Variants in PHLDA1 observed in about 807,000 individuals in gnomAD.
The protein encoded by PHLDA1 is pleckstrin homology like domain family A member 1.
PHLDA1 carries 28 observed loss-of-function variants against 33.8 expected under a neutral mutation model. The ratio of observed to expected loss-of-function variants is 0.83; its 90% CI spans 0.61 to 1.14. The LOEUF (loss-of-function observed/expected upper bound fraction) is 1.14, where lower values mean the gene tolerates loss of function less well. Ranked by LOEUF, PHLDA1 falls within the 50% of genes most tolerant of loss-of-function variation. The pLI is 0.00. For missense variants in PHLDA1, 595 were observed against 548.6 expected (o/e 1.08, Z -0.84); for synonymous variants, 271 against 243.6 (o/e 1.11, Z -1.05).
At chr12:76,030,620 C>A in exon 1 of PHLDA1, 1 of 1,563,482 alleles carries the variant, frequency 6.4e-7, no homozygotes, top group East Asian at 2.2e-5. Context: ...GTATTTGGTG[C>A]GGATGCGGGT....
Position 76,030,484 on chromosome 12 carries a change from C to T in PHLDA1, c.*26+26G>A. ...CTCACTACCCCCGAGACCCACTCCT[C>T]GGGAGCGCGAGTGCCGGGACCTTAC... On this transcript the variant is annotated intron_variant, in intron 1 of 1. Coordinates refer to ENST00000266671, the Ensembl canonical transcript of PHLDA1. 4 of 1,585,780 alleles carry T rather than the reference C, an allele frequency of 2.5e-6. No homozygotes were observed. The South Asian group carries it at 3.4e-5, about 14-fold the overall frequency.
At chr12:76,029,707 C>T (rs759643680) in exon 2 of PHLDA1, 1 of 152,518 alleles carries the variant, frequency 6.6e-6, no homozygotes, top group Non-Finnish European at 1.5e-5. Context: ...TTAGGAATTA[C>T]TACGGATTAG....
In PHLDA1 at chr12:76,030,867, A is replaced by T. The variant is rs774889464; in HGVS notation, c.875T>A (p.Val292Asp). Residue 292 changes from valine to aspartate, a missense_variant, in exon 1 of 2, where the codon GTC becomes GAC. Val to Asp is a radical substitution (Grantham distance 152). Around this residue, in one of 3 missense-constraint regions of PHLDA1, gnomAD observed 328 missense variants for 295.7 expected, o/e 1.11. Transcript: ENST00000266671. ...CTGCTGCTTCTGCCGCGTGGATTTG[A>T]CCGCCAGGATGGCCTGACGATTCTT... 2.5e-6 allele frequency: 4 copies of T among 1,608,652 alleles called. No homozygotes were observed. The South Asian group carries it at 4.4e-5, about 18-fold the overall frequency.
chr12:76,030,761 C>A (rs1565702021), exon 1 of PHLDA1: 5 of 1,357,692 alleles, frequency 3.7e-6, no homozygotes, highest in Non-Finnish European at 3.1e-6. Flanking sequence ...GCTGGGGTTG[C>A]GGCTGAGGCT....
At chr12:76,030,066 C>T (rs919128634) in exon 2 of PHLDA1, 2 of 177,032 alleles carry the variant, frequency 1.1e-5, no homozygotes, top group Non-Finnish European at 2.4e-5. Context: ...GAAATGTGCT[C>T]GTCCCACTTC....
At chr12:76,030,351 C>A in intron 1 of PHLDA1, 159 bp downstream of exon 1, 1 of 644,100 alleles carries the variant, frequency 1.6e-6, no homozygotes, top group East Asian at 2.7e-5. Context: ...CCCAGCTCTC[C>A]TGGCCCCAGC....
At chr12:76,030,128 A>G (rs1169627919) in intron 1 of PHLDA1, 36 bp from the exon 2 acceptor site, 2 of 226,990 alleles carry the variant, frequency 8.8e-6, no homozygotes, top group African/African-American at 2.2e-5. Context: ...GTAGGTGGCT[A>G]AGAACCCTCC....
Position 76,031,205 on chromosome 12 carries a change from C to G in PHLDA1, c.537G>C (p.Leu179=), listed in dbSNP as rs1457084060. 1.1e-5 allele frequency: 18 copies of G among 1,613,400 alleles called. No homozygotes were observed. Among genetic ancestry groups the G allele is most frequent in the Non-Finnish European group, 1.5e-5 (18 of 1,179,884 alleles). The stretch of plus-strand genomic sequence containing the variant: ...GCAGCTGCTTGGGCGGGATAAGCAG[C>G]AGCCCTTCCTCGGTGAGGATGCAAC... The change falls in exon 1 of 2, where the codon CTG becomes CTC. Residue 179 remains leucine, a synonymous_variant. Coordinates refer to ENST00000266671, the Ensembl canonical transcript of PHLDA1. The surrounding 1 kb of genome is among the most constrained non-coding windows in gnomAD (Gnocchi z 5.4).
In PHLDA1 at chr12:76,031,173, TGG is replaced by T; in HGVS notation, c.567_568del (p.His189GlnfsTer227). The T allele has an allele frequency of 1.2e-6, 2 of 1,612,222 alleles. No individual in the cohort carries two copies. Among genetic ancestry groups the T allele is most frequent in the Non-Finnish European group, 1.7e-6 (2 of 1,179,632 alleles). On this transcript the variant is annotated frameshift_variant, in exon 1 of 2. Transcript: ENST00000266671. LOFTEE classifies it high-confidence loss of function. The surrounding 1 kb of genome is among the most constrained non-coding windows in gnomAD (Gnocchi z 5.4). The stretch of plus-strand genomic sequence containing the variant: ...CTGCTGCTGTTGCTGCTGCTGCTGC[TGG>T]TGTTGCAGCTGCTTGGGCGGGATAA...
exon 1 of PHLDA1, chr12:76,030,597 G>C: frequency 6.2e-7 from 1 of 1,610,396 alleles, no homozygotes; most frequent in Non-Finnish European, 8.5e-7. Flanking sequence ...GTGCGGCTGT[G>C]GGTGTGGGTG....
In PHLDA1 at chr12:76,031,773, C is replaced by G. The variant is rs779198547; in HGVS notation, c.-32G>C. On this transcript the variant is annotated 5_prime_UTR_variant, in exon 1 of 2. Transcript: ENST00000266671. The surrounding 1 kb of genome is among the most constrained non-coding windows in gnomAD (Gnocchi z 5.4). ...GGGGCCTTTCCAAAGCCCGCTGCGT[C>G]CACGCCCTCCAGCGTCTCTTGCTCC... The G allele has an allele frequency of 1.6e-5, 22 of 1,336,950 alleles. No individual in the cohort carries two copies. The highest frequency in any genetic ancestry group is 2.1e-5 in the Non-Finnish European group (22 of 1,040,316). The allele number at this position is 1,336,950 out of a possible 1,614,324, so 82.8% of individuals were successfully genotyped here. A position where few individuals can be genotyped will look rare whatever the true frequency, so the allele number is the denominator to read the frequency against.
In PHLDA1 at chr12:76,031,043, G is replaced by C; in HGVS notation, c.699C>G (p.His233Gln). 2 of 1,611,890 alleles carry C rather than the reference G, an allele frequency of 1.2e-6. No homozygotes were observed. Among genetic ancestry groups the C allele is most frequent in the Non-Finnish European group, 1.7e-6 (2 of 1,179,954 alleles). Residue 233 changes from histidine to glutamine, a missense_variant, in exon 1 of 2, where the codon CAC becomes CAG. By Grantham distance (24) the His-to-Gln change is conservative. Transcript: ENST00000266671. The surrounding 1 kb of genome is among the most constrained non-coding windows in gnomAD (Gnocchi z 5.4). ...AGTCCACGGTCTTCATGTTGGAGAA[G>C]TGCAGTTCCTTGAGCTTGACCGGCG...
exon 2 of PHLDA1, chr12:76,027,311 T>C (rs1251911657): frequency 6.6e-6 from 1 of 152,130 alleles, no homozygotes; most frequent in Non-Finnish European, 1.5e-5. Context: ...AAATTATTAA[T>C]AATAATTTCA....
At chr12:76,028,514 A>G (rs1274113227) in exon 2 of PHLDA1, 1 of 152,236 alleles carries the variant, frequency 6.6e-6, no homozygotes, top group Non-Finnish European at 1.5e-5. Flanking sequence ...GAGAATAAAG[A>G]CATCTGTAGC....
chr12:76,031,006 T>C lies in PHLDA1; in HGVS notation c.736A>G (p.Lys246Glu). 6.2e-7 allele frequency: 1 copy of C among 1,613,534 alleles called. No homozygotes were observed. The highest frequency in any genetic ancestry group is 1.1e-5 in the South Asian group (1 of 91,082). ...ACAGTGAAGTACATGTACTTGCCCTTGCGCTCCACACAGTCCACGGTCTTC... is the reference window on the plus strand; with the variant it reads ...ACAGTGAAGTACATGTACTTGCCCTCGCGCTCCACACAGTCCACGGTCTTC... Residue 246 changes from lysine to glutamate, a missense_variant, in exon 1 of 2, where the codon AAG becomes GAG. By Grantham distance (56) the Lys-to-Glu change is moderately conservative. Transcript: ENST00000266671. This position sits in a 1 kb window ranked among gnomAD's most constrained non-coding sequence, Gnocchi z 5.4.
At chr12:76,028,581 C>A (rs138787839) in exon 2 of PHLDA1, 1 of 152,354 alleles carries the variant, frequency 6.6e-6, no homozygotes, top group Non-Finnish European at 1.5e-5. Context: ...TAATACTGAC[C>A]GTTTCAATTT....
At chr12:76,028,652 A>G (rs185636075) in exon 2 of PHLDA1, 60 of 152,802 alleles carry the variant, frequency 3.9e-4, no homozygotes, top group Middle Eastern at 3.4e-3. Flanking sequence ...AACAGAAACC[A>G]GTTAGTAAAG....
exon 2 of PHLDA1, chr12:76,027,338 A>G (rs978626788): frequency 6.6e-6 from 1 of 152,208 alleles, no homozygotes; most frequent in African/African-American, 2.4e-5. Flanking sequence ...TCAAAACAAT[A>G]AAAGCCATTC....
exon 2 of PHLDA1, chr12:76,026,610 A>G (rs1870778974): frequency 7.3e-6 from 1 of 136,690 alleles, no homozygotes; most frequent in Non-Finnish European, 1.6e-5. Context: ...TTTTACCATC[A>G]TTGGAGACAA....
Sources: allele counts gnomAD v4.1 joint callset, GRCh38; gene constraint gnomAD v4.1.1; regional missense constraint gnomAD v4.1.1; non-coding constraint Gnocchi (gnomAD v3.1); transcripts MANE v1.5; gene names NCBI Gene and HGNC (gene_info 2026-07-23, HGNC 2026-07-21).